DCAF17: variants seen among roughly 807,000 people sequenced by gnomAD.
DCAF17 encodes the protein DDB1 and CUL4 associated factor 17, also known as DDB1- and CUL4-associated factor 17.
Under a neutral mutation model 66.0 loss-of-function variants are expected in DCAF17, and 48 were observed. The ratio of observed to expected loss-of-function variants is 0.73; its 90% confidence interval spans 0.58 to 0.92. The LOEUF (loss-of-function observed/expected upper bound fraction) is 0.92. Ranked by LOEUF, DCAF17 falls within the 40% of genes least tolerant of loss-of-function variation. The pLI, the probability that DCAF17 is intolerant of heterozygous loss-of-function variation, is 0.00. For missense variants in DCAF17, 562 were observed against 622.8 expected, an observed-to-expected ratio of 0.90 and a Z score of 1.04; for synonymous variants, 206 against 214.6, an observed-to-expected ratio of 0.96 and a Z score of 0.35.
Position 171,473,853 on chromosome 2 carries a change from T to C in DCAF17, c.982-13T>C. On this transcript the variant is annotated splice_polypyrimidine_tract_variant and intron_variant, in intron 9 of 13. Transcript: ENST00000375255. ...CCTTAATCTTTGTCTTTAATACTTT[T>C]TTCCAACTTCAGGCAAAAAATGGGA... 6.2e-7 allele frequency: 1 copy of C among 1,605,312 alleles called. No individual in the cohort carries two copies. Among genetic ancestry groups the C allele is most frequent in the South Asian group, 1.1e-5 (1 of 90,696 alleles).
intron 2 of DCAF17, among the ~76,000 whole-genome samples, chr2:171,437,680 T>G (rs940982426): frequency 6.6e-6 from 1 of 152,246 alleles, no homozygotes; most frequent in African/African-American, 2.4e-5. Flanking sequence ...TTCATCTAAG[T>G]TATCCAAACT....
chr2:171,459,855 T>A (rs1255761700), intron 8 of DCAF17, among the ~76,000 whole-genome samples: 2 of 152,204 alleles, frequency 1.3e-5, no homozygotes, highest in Non-Finnish European at 2.9e-5. Context: ...AATTAGGCAG[T>A]TGTATGAAAA....
intron 3 of DCAF17, among the ~76,000 whole-genome samples, chr2:171,447,052 G>A (rs1310571534): frequency 6.6e-6 from 1 of 151,960 alleles, no homozygotes; most frequent in Non-Finnish European, 1.5e-5. Flanking sequence ...ACCAAATTAA[G>A]GAACACTGTT....
chr2:171,470,661 ACAT>A (rs1265156481), intron 9 of DCAF17, among the ~76,000 whole-genome samples: 2 of 152,180 alleles, frequency 1.3e-5, no homozygotes, highest in Non-Finnish European at 2.9e-5. Flanking sequence ...CAGTGAGTGG[ACAT>A]CATTCAGCCA....
chr2:171,438,652 AT>A (rs111993581), intron 2 of DCAF17, among the ~76,000 whole-genome samples: 67 of 152,084 alleles, frequency 4.4e-4, no homozygotes, highest in African/African-American at 1.6e-3. Flanking sequence ...TTTGTCTGAA[AT>A]TAGTATAGCT....
At chr2:171,473,104 C>G (rs1696335663) in intron 9 of DCAF17, 2 of 161,048 alleles carry the variant, frequency 1.2e-5, no homozygotes, top group Admixed American at 1.3e-4. Context: ...CAACATTTGA[C>G]TTATCCAAGA....
At chr2:171,466,012 G>T (rs1026899410) in intron 8 of DCAF17, among the ~76,000 whole-genome samples, 1 of 151,804 alleles carries the variant, frequency 6.6e-6, no homozygotes, top group Non-Finnish European at 1.5e-5. Flanking sequence ...TACTTAACAT[G>T]TATCTAAATT....
chr2:171,445,333 C>A (rs1694555833), intron 3 of DCAF17, among the ~76,000 whole-genome samples: 1 of 152,116 alleles, frequency 6.6e-6, no homozygotes, highest in Non-Finnish European at 1.5e-5. Flanking sequence ...CCATGTTGGC[C>A]AGGCTGGTCT....
chr2:171,443,729 C>G (rs1278705675), intron 3 of DCAF17, 116 bp downstream of exon 3: 4 of 790,558 alleles, frequency 5.1e-6, no homozygotes. Flanking sequence ...ACTCTTGCAT[C>G]TTTAAAGCAA....
In DCAF17 at chr2:171,481,859, G is replaced by A; in HGVS notation, c.*745G>A. 2.2e-6 allele frequency: 1 copy of A among 453,998 alleles called. No homozygotes were observed. The highest frequency in any genetic ancestry group is 4.4e-6 in the Non-Finnish European group (1 of 226,736). 28.1% of individuals were successfully genotyped at this position (453,998 alleles called of 1,614,324 possible). Reference sequence around the variant, plus strand: ...TTTAGCTCTTAATGTATCTAAGGATGTTCTCATCTCACCATTCTACTCATT... The same window carrying A: ...TTTAGCTCTTAATGTATCTAAGGATATTCTCATCTCACCATTCTACTCATT... On this transcript the variant is annotated 3_prime_UTR_variant, in exon 14 of 14. Transcript: ENST00000375255.
rs1396685550 is a variant in DCAF17 at position 171,482,846 on chromosome 2, C to T, written c.*1732C>T. The T allele has an allele frequency of 2.2e-6, 1 of 453,924 alleles. No individual in the cohort carries two copies. The highest frequency in any genetic ancestry group is 4.4e-6 in the Non-Finnish European group (1 of 226,788). 28.1% of individuals were successfully genotyped at this position (453,924 alleles called of 1,614,324 possible). ...ATACTTCTGGTCTAGATATAACTTA[C>T]CACTAAGAAACCCCCAGTATGTCAC... On this transcript the variant is annotated 3_prime_UTR_variant, in exon 14 of 14. Coordinates refer to ENST00000375255, the MANE Select transcript of DCAF17 (RefSeq NM_025000.4).
intron 2 of DCAF17, among the ~76,000 whole-genome samples, chr2:171,437,318 G>C (rs1263654632): frequency 1.3e-5 from 2 of 152,078 alleles, no homozygotes; most frequent in African/African-American, 4.8e-5. Flanking sequence ...CTATACATTT[G>C]TCCTAGCACC....
intron 12 of DCAF17, among the ~76,000 whole-genome samples, chr2:171,478,828 A>G (rs2105811596): frequency 6.6e-6 from 1 of 152,314 alleles, no homozygotes; most frequent in Middle Eastern, 3.4e-3. Context: ...ATTTTGGACC[A>G]TACAAACCTA....
intron 3 of DCAF17, among the ~76,000 whole-genome samples, chr2:171,445,185 C>T (rs1010130522): frequency 2.6e-5 from 4 of 151,402 alleles, no homozygotes; most frequent in African/African-American, 4.9e-5. Context: ...AGTGCAGTGG[C>T]GTGATCTCCA....
At chr2:171,451,933 A>C (rs1161446936) in intron 5 of DCAF17, among the ~76,000 whole-genome samples, 2 of 152,170 alleles carry the variant, frequency 1.3e-5, no homozygotes, top group Admixed American at 1.3e-4. Flanking sequence ...TGTTAATAAA[A>C]TCTTGTCAGT....
chr2:171,484,069 G>GA lies in DCAF17; in HGVS notation c.*2959dup, dbSNP rs1305117016. 1 of 453,910 alleles carries GA rather than the reference G, an allele frequency of 2.2e-6. No individual in the cohort carries two copies. Among genetic ancestry groups the GA allele is most frequent in the Non-Finnish European group, 4.4e-6 (1 of 226,778 alleles). The allele number at this position is 453,910 out of a possible 1,614,324, so 28.1% of individuals were successfully genotyped here. On this transcript the variant is annotated 3_prime_UTR_variant, in exon 14 of 14. Coordinates refer to ENST00000375255, the MANE Select transcript of DCAF17 (RefSeq NM_025000.4). ...GATACAAGTCACACATAAATTGACA[G>GA]AAAATGTAGTTCTTCATTCAATGGT...
intron 8 of DCAF17, among the ~76,000 whole-genome samples, chr2:171,463,942 C>T (rs1279444749): frequency 1.3e-5 from 2 of 152,214 alleles, no homozygotes; most frequent in South Asian, 2.1e-4. Context: ...ACTTTTGATG[C>T]CAGCAAAATG....
intron 9 of DCAF17, among the ~76,000 whole-genome samples, chr2:171,471,324 T>G (rs796850239): frequency 1.2e-4 from 18 of 152,344 alleles, no homozygotes; most frequent in African/African-American, 4.3e-4. Context: ...AGAAAATGTT[T>G]CATAGCTTTC....
intron 12 of DCAF17, among the ~76,000 whole-genome samples, chr2:171,479,313 T>G (rs182984922): frequency 6.6e-6 from 1 of 152,300 alleles, no homozygotes; most frequent in Non-Finnish European, 1.5e-5. Context: ...AAGATGTACC[T>G]TCCTGTGGTC....
Sources: gnomAD v4.1 joint callset for allele counts (sites outside exome capture counted in the v4.1 genomes callset) on GRCh38, gnomAD v4.1.1 for gene constraint, MANE v1.5 for transcripts, NCBI Gene and HGNC (gene_info 2026-07-23, HGNC 2026-07-21) for gene names.